The following DENND1A variants were observed in gnomAD, a reference collection of about 807,000 sequenced individuals.
DENND1A encodes the protein DENN domain containing 1A.
A neutral mutation model predicts 113.7 loss-of-function variants in DENND1A; 51 were observed. The observed-to-expected ratio is 0.45, with a 90% CI of 0.36 to 0.57. The LOEUF is 0.57. Ranked by LOEUF, DENND1A falls within the 20% of genes least tolerant of loss-of-function variation. The pLI, the probability that DENND1A is intolerant of heterozygous loss-of-function variation, is 0.00. For missense variants in DENND1A, 1,258 were observed against 1,395.9 expected, an observed-to-expected ratio of 0.90 and a Z score of 1.57; for synonymous variants, 565 against 570.8, an observed-to-expected ratio of 0.99 and a Z score of 0.14.
At chr9:123,536,466 C>CAAAAAA (rs549789129) in intron 13 of DENND1A, among the ~76,000 whole-genome samples, 1 of 91,784 alleles carries the variant, frequency 1.1e-5, no homozygotes. Context: ...ACTCTGTCTC[C>CAAAAAA]AAAAAAAAAA....
intron 13 of DENND1A, among the ~76,000 whole-genome samples, chr9:123,514,146 T>G (rs1340397870): frequency 1.3e-5 from 2 of 150,834 alleles, no homozygotes; most frequent in African/African-American, 2.4e-5. Flanking sequence ...ATGGGGTGTC[T>G]CAGCCTAAGG....
rs1433679546 is a variant in DENND1A, at chr9:123,382,506, G to A, written c.2139C>T (p.Pro713=). 2 of 1,614,010 alleles carry A rather than the reference G, an allele frequency of 1.2e-6. No individual in the cohort carries two copies. Among genetic ancestry groups the A allele is most frequent in the Admixed American group, 1.7e-5 (1 of 60,026 alleles). Residue 713 remains proline (P), a synonymous_variant, in exon 24 of 24, where the codon CCC becomes CCT. Transcript: ENST00000394215. ...AGGGCTTCTCAGGGGAGGCAGCTGG[G>A]GGCTTGCTGGGGATGGCCATGTCGT... ...GQDDMAIPSK[P]PAASPEKPSA...
At chr9:123,885,523 A>G (rs564247075) in intron 1 of DENND1A, among the ~76,000 whole-genome samples, 25 of 152,268 alleles carry the variant, frequency 1.6e-4, no homozygotes, top group African/African-American at 6.0e-4. Flanking sequence ...TACACCTATT[A>G]CTCTGTAAAG....
chr9:123,710,560 C>CACACACACACACACACACAT (rs60092060), intron 5 of DENND1A, among the ~76,000 whole-genome samples: 1,740 of 148,950 alleles, frequency 0.012, 94 homozygotes, highest in African/African-American at 0.029. Flanking sequence ...CACACACACA[C>CACACACACACACACACACAT]TGGCATCATA....
intron 12 of DENND1A, 113 bp from the exon 13 acceptor site, chr9:123,557,808 T>C: frequency 7.8e-7 from 1 of 1,276,644 alleles, no homozygotes; most frequent in Non-Finnish European, 1.1e-6. Flanking sequence ...AGGATCCATT[T>C]GATACCTCAG....
chr9:123,454,609 T>C, intron 16 of DENND1A, 130 bp downstream of exon 16: 1 of 947,088 alleles, frequency 1.1e-6, no homozygotes, highest in Non-Finnish European at 1.6e-6. Context: ...GAGCCTGGCT[T>C]TACAAACAAA....
intron 9 of DENND1A, among the ~76,000 whole-genome samples, chr9:123,638,810 C>T (rs1221953713): frequency 1.3e-5 from 2 of 151,880 alleles, no homozygotes; most frequent in Non-Finnish European, 2.9e-5. Flanking sequence ...AAGAAGAAAT[C>T]GATTTGCCAC....
At chr9:123,765,823 C>T (rs564328904) in intron 4 of DENND1A, among the ~76,000 whole-genome samples, 1 of 152,218 alleles carries the variant, frequency 6.6e-6, no homozygotes, top group African/African-American at 2.4e-5. Flanking sequence ...CACTTCACTA[C>T]TCCCTCTCAC....
At position 123,658,723 on chromosome 9, in the gene DENND1A, G is replaced by A. The variant is rs1472310293; in HGVS notation, c.508-6600C>T. Among the ~76,000 whole-genome samples the A allele has an allele frequency of 4.6e-5, 7 of 152,128 alleles. No individual in the cohort carries two copies. The East Asian group carries it at 9.6e-4, about 21-fold the overall frequency. On this transcript the variant is annotated intron_variant, in intron 8 of 23. Coordinates refer to ENST00000394215, the MANE Select transcript of DENND1A (RefSeq NM_001352964.2). ...TGTTCATTCATTCATTCAGTCATTC[G>A]TTCAGTCAATAAATACATATTGGGC...
At position 123,913,683 on chromosome 9, in the gene DENND1A, ATCAC is replaced by A. The variant is rs1413607383; in HGVS notation, c.17+16202_17+16205del. Among the ~76,000 whole-genome samples, 518 of 152,092 alleles carry A rather than the reference ATCAC, an allele frequency of 3.4e-3. 1 individual carries two copies. Among genetic ancestry groups the A allele is most frequent in the Admixed American group, 5.6e-3 (85 of 15,274 alleles). On this transcript the variant is annotated intron_variant, in intron 1 of 23. Transcript: ENST00000394215. The stretch of plus-strand genomic sequence containing the variant: ...CACTTTGGGAGGACGAGGTGGGTGG[ATCAC>A]CTGAGGTCAGGAGTTCGAGACTAGC...
At chr9:123,924,071 G>A (rs1044327290) in intron 1 of DENND1A, among the ~76,000 whole-genome samples, 1 of 152,120 alleles carries the variant, frequency 6.6e-6, no homozygotes, top group African/African-American at 2.4e-5. Context: ...TCCATACAAT[G>A]GAATATTATT....
chr9:123,792,902 T>C (rs889409172), intron 2 of DENND1A, among the ~76,000 whole-genome samples: 41 of 152,346 alleles, frequency 2.7e-4, no homozygotes, highest in African/African-American at 9.9e-4. Context: ...CAGCTGCAAA[T>C]TGCCCTCAAT....
At chr9:123,729,347 G>GTATATTTAGAAAATCACATCGTC (rs1564152146) in intron 5 of DENND1A, among the ~76,000 whole-genome samples, 1 of 152,188 alleles carries the variant, frequency 6.6e-6, no homozygotes, top group Non-Finnish European at 1.5e-5. Context: ...TGACATGATT[G>GTATATTTAGAAAATCACATCGTC]TATATTTAGA....
chr9:123,774,101 T>C (rs979419639), intron 3 of DENND1A, among the ~76,000 whole-genome samples: 21 of 152,264 alleles, frequency 1.4e-4, no homozygotes, highest in African/African-American at 4.6e-4. Flanking sequence ...TGTAGGTGTG[T>C]GATGAAAAGA....
chr9:123,613,569 T>C (rs2060512147), intron 10 of DENND1A, among the ~76,000 whole-genome samples: 1 of 152,258 alleles, frequency 6.6e-6, no homozygotes, highest in African/African-American at 2.4e-5. Context: ...ATGTATATAC[T>C]CTGCTTCTCT....
intron 19 of DENND1A, among the ~76,000 whole-genome samples, chr9:123,430,630 C>T (rs1213132406): frequency 1.3e-5 from 2 of 152,180 alleles, no homozygotes; most frequent in East Asian, 1.9e-4. Context: ...GATGAGAACA[C>T]ATGGACACAC....
intron 5 of DENND1A, among the ~76,000 whole-genome samples, chr9:123,700,114 T>C (rs565093500): frequency 6.6e-6 from 1 of 152,356 alleles, no homozygotes; most frequent in Non-Finnish European, 1.5e-5. Context: ...GGTCTACCCT[T>C]GTGCCAATAC....
intron 13 of DENND1A, among the ~76,000 whole-genome samples, chr9:123,538,412 T>C (rs1184259603): frequency 3.9e-5 from 6 of 152,164 alleles, no homozygotes. Flanking sequence ...AAGCCAGGTT[T>C]TGGTCTTGAG....
At chr9:123,812,526 G>A (rs1382171958) in intron 2 of DENND1A, among the ~76,000 whole-genome samples, 1 of 152,004 alleles carries the variant, frequency 6.6e-6, no homozygotes, top group East Asian at 1.9e-4. Context: ...ATGAGTGGTT[G>A]CTAGAACGTG....
Sources: allele counts gnomAD v4.1 joint callset (sites outside exome capture counted in the v4.1 genomes callset), GRCh38; gene constraint gnomAD v4.1.1; transcripts MANE v1.5; gene names NCBI Gene and HGNC (gene_info 2026-07-23, HGNC 2026-07-21).